PIWIL4: variants seen among roughly 807,000 people sequenced by gnomAD.
The protein encoded by PIWIL4 is piwi like RNA-mediated gene silencing 4, also known as piwi-like protein 4.
PIWIL4 carries 50 observed loss-of-function variants against 100.9 expected under a neutral mutation model. The ratio of observed to expected loss-of-function variants is 0.50; its 90% confidence interval spans 0.39 to 0.63. PIWIL4 has a LOEUF of 0.63. Ranked by LOEUF, PIWIL4 falls within the 20% of genes least tolerant of loss-of-function variation. The probability of loss-of-function intolerance (pLI) is 0.00; values close to 1 mark genes in which losing one functional copy is unlikely to be tolerated. For synonymous variants in PIWIL4, 342 were observed against 367.5 expected, an observed-to-expected ratio of 0.93 and a Z score of 0.79; for missense variants, 887 against 1,043.3, an observed-to-expected ratio of 0.85 and a Z score of 2.06.
intron 13 of PIWIL4, among the ~76,000 whole-genome samples, chr11:94,604,447 C>T (rs1278816772): frequency 6.6e-6 from 1 of 152,144 alleles, no homozygotes; most frequent in Non-Finnish European, 1.5e-5. Context: ...GCCCCAAATT[C>T]CTGCTTCCTG....
intron 4 of PIWIL4, among the ~76,000 whole-genome samples, chr11:94,580,955 A>G (rs540754413): frequency 3.6e-5 from 5 of 140,356 alleles, no homozygotes; most frequent in African/African-American, 1.1e-4. Flanking sequence ...CTGGAGTGCA[A>G]TGGCATGATC....
chr11:94,599,617 C>T (rs901733381), intron 11 of PIWIL4, among the ~76,000 whole-genome samples: 21 of 152,318 alleles, frequency 1.4e-4, no homozygotes, highest in African/African-American at 4.6e-4. Context: ...CCTTTGCTCT[C>T]AGGCCGAGGT....
intron 8 of PIWIL4, among the ~76,000 whole-genome samples, chr11:94,592,203 T>C (rs547679790): frequency 2.0e-5 from 3 of 152,328 alleles, no homozygotes; most frequent in South Asian, 2.1e-4. Flanking sequence ...AGATCAATCC[T>C]AGCTGTGCTA....
chr11:94,578,302 C>T (rs531942391), intron 4 of PIWIL4, among the ~76,000 whole-genome samples: 1 of 152,206 alleles, frequency 6.6e-6, no homozygotes, highest in African/African-American at 2.4e-5. Context: ...TATCTGCAGC[C>T]GATCTGAATG....
rs1019206255 is a variant in PIWIL4 at position 94,580,571 on chromosome 11, C to T, written c.514-2877C>T. 8.5e-5 allele frequency among the ~76,000 whole-genome samples: 13 copies of T among 152,144 alleles called. No homozygotes were observed. The East Asian group carries it at 1.7e-3, about 20-fold the overall frequency. ...CTACTCTGAACCTGGCAGGGTGTTG[C>T]GACCATGGAGCAAACAAAGATAAAT... On this transcript the variant is annotated intron_variant, in intron 4 of 19. Transcript: ENST00000299001.
At chr11:94,598,058 C>A in intron 11 of PIWIL4, 143 bp downstream of exon 11, 1 of 617,238 alleles carries the variant, frequency 1.6e-6, no homozygotes, top group Non-Finnish European at 2.8e-6. Context: ...CTTCAGATCC[C>A]CTGTGGTTTC....
chr11:94,587,022 T>C (rs200166123), intron 6 of PIWIL4, 28 bp from the exon 7 acceptor site: 2 of 1,537,208 alleles, frequency 1.3e-6, no homozygotes, highest in African/African-American at 2.8e-5. Flanking sequence ...ATTGACAATA[T>C]TCCTTTTTTT....
At chr11:94,617,697 A>T (rs183616550) in intron 16 of PIWIL4, 144 of 422,462 alleles carry the variant, frequency 3.4e-4, no homozygotes, top group African/African-American at 2.7e-3. Context: ...TTAAAATTTT[A>T]TTTAAAGAGA....
Position 94,597,867 on chromosome 11 carries a change from G to A in PIWIL4, c.1332G>A (p.Leu444=). ...WGLHFGSQIS[L]TGRIVPSEKI... Reference sequence around the variant, plus strand: ...TGCATTTTGGAAGCCAGATATCTCTGACTGGCCGGATTGTGCCTTCAGAAA... The same window carrying A: ...TGCATTTTGGAAGCCAGATATCTCTAACTGGCCGGATTGTGCCTTCAGAAA... The change falls in exon 11 of 20, where the codon CTG becomes CTA. Residue 444 remains leucine (L), a synonymous_variant. Coordinates refer to ENST00000299001, the MANE Select transcript of PIWIL4 (RefSeq NM_152431.3). The A allele has an allele frequency of 6.2e-7, 1 of 1,614,050 alleles. No individual in the cohort carries two copies. Among genetic ancestry groups the A allele is most frequent in the Admixed American group, 1.7e-5 (1 of 60,030 alleles).
intron 13 of PIWIL4, among the ~76,000 whole-genome samples, chr11:94,606,197 C>T (rs1022521953): frequency 3.3e-5 from 5 of 152,296 alleles, no homozygotes; most frequent in East Asian, 1.9e-4. Context: ...CAGTCTCACT[C>T]GGCTCCCATC....
rs975341294 is a variant in PIWIL4 at position 94,604,169 on chromosome 11, CCA to C, written c.1638+114_1638+115del. The stretch of plus-strand genomic sequence containing the variant: ...TATTTGCAAATTGCCATGCATTTCT[CCA>C]AAGCACCGAAGAAAATATTAATCTT... On this transcript the variant is annotated intron_variant, in intron 13 of 19. Coordinates refer to ENST00000299001, the MANE Select transcript of PIWIL4 (RefSeq NM_152431.3). The C allele has an allele frequency of 7.7e-5, 41 of 535,882 alleles. No homozygotes were observed. The Admixed American group carries it at 1.3e-3, about 17-fold the overall frequency. The allele number at this position is 535,882 out of a possible 1,614,324, so 33.2% of individuals were successfully genotyped here. A position where few individuals can be genotyped will look rare whatever the true frequency, so the allele number is the denominator to read the frequency against.
chr11:94,569,857 A>G (rs932716091), intron 2 of PIWIL4, among the ~76,000 whole-genome samples: 2 of 152,150 alleles, frequency 1.3e-5, no homozygotes, highest in African/African-American at 2.4e-5. Context: ...AATGGCTGCA[A>G]TGTACATTAT....
Position 94,607,460 on chromosome 11 carries a change from A to T in PIWIL4, c.1660A>T (p.Asn554Tyr), listed in dbSNP as rs764828820. The T allele has an allele frequency of 6.2e-7, 1 of 1,613,916 alleles. No individual in the cohort carries two copies. Among genetic ancestry groups the T allele is most frequent in the South Asian group, 1.1e-5 (1 of 91,080 alleles). The change falls in exon 14 of 20, where the codon AAT becomes TAT. Residue 554 changes from asparagine (N) to tyrosine (Y), a missense_variant. Transcript: ENST00000299001. ...VQLVMCILPS[N>Y]QKTYYDSIKK... Reference sequence around the variant, plus strand: ...TTAGGTAATGTGCATTCTGCCTTCTAATCAGAAGACCTATTATGATTCCAT... The same window carrying T: ...TTAGGTAATGTGCATTCTGCCTTCTTATCAGAAGACCTATTATGATTCCAT...
chr11:94,609,635 T>G (rs1948765047), intron 15 of PIWIL4, among the ~76,000 whole-genome samples: 1 of 152,154 alleles, frequency 6.6e-6, no homozygotes, highest in Non-Finnish European at 1.5e-5. Flanking sequence ...ATTTTTTTCT[T>G]TGTATATCTA....
intron 8 of PIWIL4, among the ~76,000 whole-genome samples, chr11:94,591,923 T>A (rs1948491440): frequency 6.6e-6 from 1 of 152,190 alleles, no homozygotes; most frequent in Admixed American, 6.5e-5. Context: ...ATTTACCTTG[T>A]GAGAGCAGGT....
In PIWIL4 at chr11:94,618,427, T is replaced by A. The variant is rs529473634; in HGVS notation, c.2168+320T>A. Among the ~76,000 whole-genome samples the A allele has an allele frequency of 8.6e-4, 131 of 152,300 alleles. 1 individual carries two copies. The highest frequency in any genetic ancestry group is 3.0e-3 in the African/African-American group (124 of 41,566). On this transcript the variant is annotated intron_variant, in intron 17 of 19. Coordinates refer to ENST00000299001, the MANE Select transcript of PIWIL4 (RefSeq NM_152431.3). ...GCTGGCAGTGAAAATACTTCATACA[T>A]ATTAATATCACATGGAAGAAAACAA...
At chr11:94,582,056 G>C (rs1948326925) in intron 4 of PIWIL4, among the ~76,000 whole-genome samples, 2 of 152,168 alleles carry the variant, frequency 1.3e-5, no homozygotes, top group South Asian at 4.2e-4. Flanking sequence ...GGGACTGGAG[G>C]GTCTGAGGTC....
chr11:94,587,419 A>G (rs1356849757), intron 7 of PIWIL4, among the ~76,000 whole-genome samples, 172 bp downstream of exon 7: 1 of 152,162 alleles, frequency 6.6e-6, no homozygotes, highest in East Asian at 1.9e-4. Context: ...CTTGTGTGGC[A>G]TTCTGGACTG....
At chr11:94,588,207 C>A (rs138513143) in intron 7 of PIWIL4, among the ~76,000 whole-genome samples, 5 of 151,820 alleles carry the variant, frequency 3.3e-5, no homozygotes, top group African/African-American at 4.8e-5. Flanking sequence ...TGAGAACATG[C>A]GGTGTTTGGT....
Sources: gnomAD v4.1 joint callset for allele counts (sites outside exome capture counted in the v4.1 genomes callset) on GRCh38, gnomAD v4.1.1 for gene constraint, MANE v1.5 for transcripts, NCBI Gene and HGNC (gene_info 2026-07-23, HGNC 2026-07-21) for gene names.